The following RARS2 variants were observed in gnomAD, a reference collection of about 807,000 sequenced individuals.
RARS2 encodes the protein arginyl-tRNA synthetase 2, mitochondrial, also known as probable arginine--tRNA ligase, mitochondrial.
RARS2 carries 67 observed loss-of-function variants against 88.5 expected under a neutral mutation model. That is an observed-to-expected ratio of 0.76 (90% confidence interval 0.62 to 0.93). The LOEUF (loss-of-function observed/expected upper bound fraction) is 0.93. Ranked by LOEUF, RARS2 falls within the 40% of genes least tolerant of loss-of-function variation. The pLI is 0.00. For missense variants in RARS2, 664 were observed against 684.2 expected (o/e 0.97, Z 0.33); for synonymous variants, 239 against 230.3 (o/e 1.04, Z -0.34).
chr6:87,519,158 ATG>A (rs1405475711), intron 14 of RARS2: 29 of 332,216 alleles, frequency 8.7e-5, no homozygotes, highest in Non-Finnish European at 1.3e-4. Context: ...ATATATATGT[ATG>A]TGTGTATATA....
chr6:87,567,518 C>T (rs1036031609), intron 2 of RARS2, among the ~76,000 whole-genome samples: 1 of 152,134 alleles, frequency 6.6e-6, no homozygotes, highest in Non-Finnish European at 1.5e-5. Context: ...AGAATTAGAT[C>T]AGAGTAAATT....
chr6:87,555,581 G>A, intron 4 of RARS2, 76 bp from the exon 5 acceptor site: 2 of 1,191,818 alleles, frequency 1.7e-6, no homozygotes, highest in Non-Finnish European at 2.5e-6. Flanking sequence ...AGAATTAAAT[G>A]TTGCCAATTT....
intron 2 of RARS2, among the ~76,000 whole-genome samples, chr6:87,568,398 G>A (rs1768588015): frequency 6.6e-6 from 1 of 152,190 alleles, no homozygotes; most frequent in African/African-American, 2.4e-5. Context: ...TACTCTGGAG[G>A]CTGAGGTGGG....
intron 19 of RARS2, 37 bp from the exon 20 acceptor site, chr6:87,514,536 G>C (rs1352166160): frequency 1.3e-6 from 2 of 1,501,032 alleles, no homozygotes; most frequent in Non-Finnish European, 1.9e-6. Context: ...AAAATATTCA[G>C]TAACAGGAAT....
intron 14 of RARS2, chr6:87,519,325 C>A: frequency 2.3e-6 from 1 of 426,134 alleles, no homozygotes; most frequent in Non-Finnish European, 4.3e-6. Flanking sequence ...CACGTAATCA[C>A]CTAGACAACA....
At chr6:87,558,942 T>C (rs1220118232) in intron 4 of RARS2, among the ~76,000 whole-genome samples, 1 of 152,188 alleles carries the variant, frequency 6.6e-6, no homozygotes, top group Non-Finnish European at 1.5e-5. Flanking sequence ...GCTTCATGTG[T>C]GTTACTGCCC....
intron 10 of RARS2, among the ~76,000 whole-genome samples, chr6:87,526,424 G>C (rs1303258338): frequency 1.3e-5 from 2 of 151,856 alleles, no homozygotes; most frequent in Non-Finnish European, 2.9e-5. Flanking sequence ...GGCTAAGGCA[G>C]GAGAATAGGT....
chr6:87,532,113 C>T (rs936750222), intron 8 of RARS2, among the ~76,000 whole-genome samples: 3 of 152,144 alleles, frequency 2.0e-5, no homozygotes, highest in Non-Finnish European at 2.9e-5. Flanking sequence ...CATTAAACAT[C>T]TCTCAAGGTA....
chr6:87,525,832 C>A (rs1016219955), intron 10 of RARS2, among the ~76,000 whole-genome samples: 1 of 152,052 alleles, frequency 6.6e-6, no homozygotes, highest in Non-Finnish European at 1.5e-5. Flanking sequence ...AGGCGTGAGC[C>A]ACCGCGCCCA....
chr6:87,554,835 T>C (rs1031165699), intron 5 of RARS2, among the ~76,000 whole-genome samples: 2 of 152,138 alleles, frequency 1.3e-5, no homozygotes, highest in African/African-American at 4.8e-5. Context: ...GCACAGTGGC[T>C]CACGCCTGTA....
At position 87,555,509 on chromosome 6, in the gene RARS2, A is replaced by C. The variant is rs2128145209; in HGVS notation, c.298-4T>G. ...CAATTACTTGTTGTAGCACTGTCTG[A>C]AAATTAAAGGACTGTAATTTAATGA... On this transcript the variant is annotated splice_region_variant and splice_polypyrimidine_tract_variant and intron_variant, in intron 4 of 19. Transcript: ENST00000369536. The C allele has an allele frequency of 6.2e-7, 1 of 1,601,060 alleles. No homozygotes were observed. Among genetic ancestry groups the C allele is most frequent in the Non-Finnish European group, 8.6e-7 (1 of 1,168,320 alleles).
chr6:87,514,365 T>C lies in RARS2; in HGVS notation c.*48A>G, dbSNP rs1247875290. ...TTCTGAACAGCAAGGCATCTCAGAATAGATAACTAGAATTCACTTGACATT... is the reference window on the plus strand; with the variant it reads ...TTCTGAACAGCAAGGCATCTCAGAACAGATAACTAGAATTCACTTGACATT... On this transcript the variant is annotated 3_prime_UTR_variant, in exon 20 of 20. Transcript: ENST00000369536. 3 of 1,274,540 alleles carry C rather than the reference T, an allele frequency of 2.4e-6. No individual in the cohort carries two copies. In the Admixed American group the frequency reaches 5.1e-5, roughly 22 times the overall value. 79.0% of individuals were successfully genotyped at this position (1,274,540 alleles called of 1,614,324 possible). A position where few individuals can be genotyped will look rare whatever the true frequency, so the allele number is the denominator to read the frequency against.
chr6:87,548,631 G>A lies in RARS2; in HGVS notation c.411C>T (p.Ala137=). ...IVVEFSSPNV[A]KKFHVGHLRS... ...GCAAATGTCCAACATGAAATTTTTT[G>A]GCAACATTAGGTGAACTGCAAAAAA... The change falls in exon 6 of 20, where the codon GCC becomes GCT. Residue 137 remains alanine, a synonymous_variant. Coordinates refer to ENST00000369536, the MANE Select transcript of RARS2 (RefSeq NM_020320.5). 1 of 1,612,726 alleles carries A rather than the reference G, an allele frequency of 6.2e-7. No homozygotes were observed. Among genetic ancestry groups the A allele is most frequent in the Non-Finnish European group, 8.5e-7 (1 of 1,179,486 alleles).
chr6:87,520,135 C>T (rs1415397912), intron 13 of RARS2, 45 bp downstream of exon 13: 2 of 1,503,184 alleles, frequency 1.3e-6, no homozygotes, highest in African/African-American at 1.4e-5. Context: ...CATTTTCAGG[C>T]TCAGCTGACC....
chr6:87,553,309 C>T (rs1174518219), intron 5 of RARS2, among the ~76,000 whole-genome samples: 1 of 152,150 alleles, frequency 6.6e-6, no homozygotes, highest in African/African-American at 2.4e-5. Flanking sequence ...TAAGTGACCT[C>T]AGGCAAGTAG....
intron 1 of RARS2, chr6:87,584,734 A>T (rs750880414): frequency 1.5e-4 from 71 of 461,376 alleles, no homozygotes; most frequent in South Asian, 1.1e-3. Context: ...AACATTTAAT[A>T]TGGATTTATG....
chr6:87,542,969 T>TA (rs56220766), intron 7 of RARS2, among the ~76,000 whole-genome samples: 2,056 of 140,500 alleles, frequency 0.015, 25 homozygotes, highest in African/African-American at 0.034. Context: ...TATAAAATAA[T>TA]AAAAAAAAAA....
At chr6:87,552,606 G>A (rs1366661321) in intron 5 of RARS2, among the ~76,000 whole-genome samples, 1 of 152,040 alleles carries the variant, frequency 6.6e-6, no homozygotes, top group East Asian at 1.9e-4. Context: ...CATAGAACAG[G>A]TTATTTTTAG....
At chr6:87,579,049 T>TATTA in intron 1 of RARS2, among the ~76,000 whole-genome samples, 1 of 151,496 alleles carries the variant, frequency 6.6e-6, no homozygotes, top group South Asian at 2.1e-4. Context: ...ACTCCATATG[T>TATTA]ATTAATACCT....
Sources: allele counts gnomAD v4.1 joint callset (sites outside exome capture counted in the v4.1 genomes callset), GRCh38; gene constraint gnomAD v4.1.1; transcripts MANE v1.5; gene names NCBI Gene and HGNC (gene_info 2026-07-23, HGNC 2026-07-21).